LOC400499: variants seen among roughly 807,000 people sequenced by gnomAD.
the LOC400499 span, among the ~76,000 whole-genome samples, chr16:11,379,775 A>G: frequency 1.1e-4 from 17 of 152,232 alleles, no homozygotes; most frequent in East Asian, 5.8e-4. Flanking sequence ...TGATGTTTTT[A>G]TTGTGACACA....
chr16:11,456,993 A>G, the LOC400499 span: 1 of 1,535,840 alleles, frequency 6.5e-7, no homozygotes, highest in African/African-American at 1.4e-5. Flanking sequence ...CAAGTGGTAA[A>G]GCTGCACGCG....
At chr16:11,481,887 G>A in the LOC400499 span, among the ~76,000 whole-genome samples, 22 of 150,164 alleles carry the variant, frequency 1.5e-4, no homozygotes, top group East Asian at 4.4e-3. Flanking sequence ...CACCTACCTT[G>A]GCCTCCCAAA....
chr16:11,402,257 C>T, the LOC400499 span: 3 of 398,490 alleles, frequency 7.5e-6, no homozygotes, highest in Admixed American at 8.8e-5. Flanking sequence ...ACGCCACTGC[C>T]AGCTCACGCA....
the LOC400499 span, chr16:11,447,001 G>A: frequency 1.4e-6 from 2 of 1,403,578 alleles, no homozygotes; most frequent in East Asian, 2.5e-5. Context: ...GCCTGGGCCT[G>A]TCACGAGCTT....
the LOC400499 span, chr16:11,407,369 A>T: frequency 2.5e-6 from 1 of 397,860 alleles, no homozygotes; most frequent in Non-Finnish European, 4.4e-6. Context: ...CCACCACAAA[A>T]CACGATAAAG....
At chr16:11,485,251 T>C in the LOC400499 span, among the ~76,000 whole-genome samples, 1 of 152,162 alleles carries the variant, frequency 6.6e-6, no homozygotes, top group African/African-American at 2.4e-5. Flanking sequence ...CACCAATCTC[T>C]CTGTATCTAC....
the LOC400499 span, among the ~76,000 whole-genome samples, chr16:11,436,242 A>G: frequency 6.6e-6 from 1 of 152,190 alleles, no homozygotes; most frequent in African/African-American, 2.4e-5. Context: ...TGGGGGAAGC[A>G]GAGGACATCT....
chr16:11,488,116 C>CA, the LOC400499 span, among the ~76,000 whole-genome samples: 72,981 of 138,758 alleles, frequency 0.53, 19,187 homozygotes, highest in African/African-American at 0.66. Context: ...TAGTCCATGT[C>CA]AAAAAAAAAA....
chr16:11,397,776 A>AC, the LOC400499 span, among the ~76,000 whole-genome samples: 1 of 8,556 alleles, frequency 1.2e-4, no homozygotes, highest in African/African-American at 2.3e-4. Context: ...GGAGGGATGG[A>AC]GGGAGGGAGG....
chr16:11,488,539 C>A, the LOC400499 span, among the ~76,000 whole-genome samples: 1 of 152,130 alleles, frequency 6.6e-6, no homozygotes. Context: ...CCTGCCTCAG[C>A]CTCCCAAAGT....
the LOC400499 span, chr16:11,446,661 TAC>T: frequency 6.5e-7 from 1 of 1,535,380 alleles, no homozygotes. Flanking sequence ...CACATACATG[TAC>T]ACACGCATGC....
chr16:11,521,348 A>AAGCACTTCTGCTT, the LOC400499 span, among the ~76,000 whole-genome samples: 1 of 152,234 alleles, frequency 6.6e-6, no homozygotes, highest in Non-Finnish European at 1.5e-5. Context: ...GAGGCAAATG[A>AAGCACTTCTGCTT]GCAAGCACTT....
the LOC400499 span, among the ~76,000 whole-genome samples, chr16:11,505,871 A>G: frequency 6.6e-6 from 1 of 151,966 alleles, no homozygotes; most frequent in African/African-American, 2.4e-5. Context: ...CCTTTTCTTT[A>G]CGTTAGAAAC....
chr16:11,459,354 G>A, the LOC400499 span, among the ~76,000 whole-genome samples: 3 of 151,590 alleles, frequency 2.0e-5, no homozygotes, highest in Admixed American at 6.6e-5. Flanking sequence ...CTGCCCCCGC[G>A]CCCAGCTAAT....
At chr16:11,490,992 C>G in the LOC400499 span, among the ~76,000 whole-genome samples, 2 of 152,330 alleles carry the variant, frequency 1.3e-5, no homozygotes, top group Admixed American at 6.5e-5. Context: ...TTAAAAGCAA[C>G]AGTCACACAT....
the LOC400499 span, among the ~76,000 whole-genome samples, chr16:11,394,418 G>A: frequency 6.6e-6 from 1 of 152,228 alleles, no homozygotes; most frequent in African/African-American, 2.4e-5. Context: ...GCACCCTTCA[G>A]TAAGGGTGTC....
chr16:11,478,816 T>C, the LOC400499 span: 6 of 397,474 alleles, frequency 1.5e-5, no homozygotes, highest in Non-Finnish European at 2.7e-5. Flanking sequence ...AAGGACCCTA[T>C]GGGAGATGAC....
chr16:11,446,710 C>G, the LOC400499 span: 3 of 1,532,984 alleles, frequency 2.0e-6, no homozygotes, highest in Non-Finnish European at 2.6e-6. Flanking sequence ...TCCTCTGGCT[C>G]TCAGGCCCCT....
the LOC400499 span, among the ~76,000 whole-genome samples, chr16:11,469,960 C>G: frequency 6.6e-6 from 1 of 152,154 alleles, no homozygotes; most frequent in Non-Finnish European, 1.5e-5. Flanking sequence ...GGAGTGTCAG[C>G]GGCATGATCT....
Sources: gnomAD v4.1 joint callset for allele counts (sites outside exome capture counted in the v4.1 genomes callset) on GRCh38, gnomAD v4.1.1 for gene constraint, MANE v1.5 for transcripts.